SASH1: variants seen among roughly 807,000 people sequenced by gnomAD.
The protein encoded by SASH1 is SAM and SH3 domain containing 1, also known as SAM and SH3 domain-containing protein 1.
SASH1 carries 44 observed loss-of-function variants against 125.2 expected under a neutral mutation model. That is an observed-to-expected ratio of 0.35 (90% CI 0.28 to 0.45). The LOEUF (loss-of-function observed/expected upper bound fraction) is 0.45. Ranked by LOEUF, SASH1 falls within the 20% of genes least tolerant of loss-of-function variation. The probability of loss-of-function intolerance (pLI) is 1.00; values close to 1 mark genes in which losing one functional copy is unlikely to be tolerated. For synonymous variants in SASH1, 639 were observed against 649.1 expected (o/e 0.98, Z 0.24); for missense variants, 1,426 against 1,614.5 (o/e 0.88, Z 2.00).
At chr6:148,274,348 T>C in intron 1 of SASH1, among the ~76,000 whole-genome samples, 1 of 152,226 alleles carries the variant, frequency 6.6e-6, no homozygotes. Flanking sequence ...AGCAGCCTAG[T>C]TGGCAGGTAA....
At chr6:148,372,758 C>G (rs1303214762) in intron 1 of SASH1, among the ~76,000 whole-genome samples, 1 of 152,056 alleles carries the variant, frequency 6.6e-6, no homozygotes, top group African/African-American at 2.4e-5. Context: ...TGAGAGCCTG[C>G]TAGATACTGT....
intron 9 of SASH1, among the ~76,000 whole-genome samples, chr6:148,518,298 T>G (rs921124261): frequency 6.6e-6 from 1 of 152,164 alleles, no homozygotes; most frequent in Non-Finnish European, 1.5e-5. Context: ...CATCTTCTTT[T>G]CCACTTTCCA....
the SASH1 span, among the ~76,000 whole-genome samples, chr6:148,247,104 C>T: frequency 6.6e-6 from 1 of 152,208 alleles, no homozygotes; most frequent in African/African-American, 2.4e-5. Context: ...GGTCCATGGA[C>T]TAGCTTCACA....
intron 1 of SASH1, among the ~76,000 whole-genome samples, chr6:148,388,615 T>C (rs1269884909): frequency 1.3e-5 from 2 of 152,254 alleles, no homozygotes; most frequent in Non-Finnish European, 2.9e-5. Context: ...TTCCCGTCTC[T>C]GTTTCTCCTC....
chr6:148,321,281 C>T (rs1199317260), intron 1 of SASH1, among the ~76,000 whole-genome samples: 1 of 151,750 alleles, frequency 6.6e-6, no homozygotes, highest in Non-Finnish European at 1.5e-5. Flanking sequence ...ATCCCACCTA[C>T]TTGGGAAGCT....
chr6:148,421,643 T>C (rs1785110373), intron 2 of SASH1, among the ~76,000 whole-genome samples: 1 of 152,114 alleles, frequency 6.6e-6, no homozygotes, highest in African/African-American at 2.4e-5. Flanking sequence ...GGCTGAAAAG[T>C]AGGAACATTT....
intron 4 of SASH1, among the ~76,000 whole-genome samples, chr6:148,446,797 C>T (rs1190097848): frequency 6.6e-6 from 1 of 152,116 alleles, no homozygotes; most frequent in Non-Finnish European, 1.5e-5. Context: ...GGTATGATTC[C>T]CATCTACAAA....
chr6:148,369,394 GT>G (rs1247818287), intron 1 of SASH1, among the ~76,000 whole-genome samples: 1 of 152,132 alleles, frequency 6.6e-6, no homozygotes, highest in Non-Finnish European at 1.5e-5. Context: ...TTTGAAGATA[GT>G]TTAAGAGTTG....
intron 5 of SASH1, 75 bp downstream of exon 5, chr6:148,468,660 C>T (rs1027380609): frequency 1.5e-5 from 14 of 908,732 alleles, no homozygotes; most frequent in Non-Finnish European, 2.4e-5. Flanking sequence ...TGTGAAAATA[C>T]AAAACCCACA....
intron 1 of SASH1, among the ~76,000 whole-genome samples, chr6:148,315,432 GAAGCCA>G (rs1475329564): frequency 1.3e-5 from 2 of 152,204 alleles, no homozygotes; most frequent in Admixed American, 6.5e-5. Flanking sequence ...AAGTTTGTCT[GAAGCCA>G]AAGCCAATCT....
chr6:148,513,478 C>T (rs1583282309), intron 8 of SASH1: 1 of 985,436 alleles, frequency 1.0e-6, no homozygotes. Flanking sequence ...TTGGAGCTGA[C>T]TTAGAAATGA....
chr6:148,248,701 TC>T, the SASH1 span, among the ~76,000 whole-genome samples: 3 of 152,030 alleles, frequency 2.0e-5, no homozygotes, highest in Non-Finnish European at 2.9e-5. Flanking sequence ...AGCAGTCACT[TC>T]CCCCCACAAG....
At chr6:148,239,403 CG>C in the SASH1 span, among the ~76,000 whole-genome samples, 1 of 152,198 alleles carries the variant, frequency 6.6e-6, no homozygotes, top group Non-Finnish European at 1.5e-5. Flanking sequence ...CTCCTAGCAC[CG>C]TGCTCTCCCG....
chr6:148,244,721 G>A, the SASH1 span, among the ~76,000 whole-genome samples: 1 of 152,148 alleles, frequency 6.6e-6, no homozygotes, highest in African/African-American at 2.4e-5. Flanking sequence ...TCCTATTTCA[G>A]GGCAACTGGG....
chr6:148,273,184 C>T (rs1426494889), intron 1 of SASH1, among the ~76,000 whole-genome samples: 2 of 152,028 alleles, frequency 1.3e-5, no homozygotes, highest in Admixed American at 6.6e-5. Context: ...CTCTTGAGCC[C>T]AGGATTTCTG....
chr6:148,546,817 G>A (rs773746585), intron 19 of SASH1, among the ~76,000 whole-genome samples: 12 of 151,836 alleles, frequency 7.9e-5, no homozygotes, highest in East Asian at 1.9e-4. Flanking sequence ...TAATGTATGC[G>A]TAAATGTATA....
chr6:148,200,797 T>C, the SASH1 span, among the ~76,000 whole-genome samples: 2 of 152,322 alleles, frequency 1.3e-5, no homozygotes, highest in Admixed American at 1.3e-4. Context: ...AGAAGAGAGA[T>C]TCTCTGTGTT....
At chr6:148,393,732 TG>T in intron 2 of SASH1, 6 of 985,324 alleles carry the variant, frequency 6.1e-6, no homozygotes, top group Non-Finnish European at 7.2e-6. Context: ...AAACACCACA[TG>T]AGCTTAATTA....
chr6:148,368,770 G>GCACACACACACAAACACA (rs1554245332), intron 1 of SASH1, among the ~76,000 whole-genome samples: 8 of 135,644 alleles, frequency 5.9e-5, no homozygotes, highest in African/African-American at 2.1e-4. Context: ...GCACGCGCGC[G>GCACACACACACAAACACA]CACACACACA....
Sources: gnomAD v4.1 joint callset for allele counts (sites outside exome capture counted in the v4.1 genomes callset) on GRCh38, gnomAD v4.1.1 for gene constraint, MANE v1.5 for transcripts, NCBI Gene and HGNC (gene_info 2026-07-23, HGNC 2026-07-21) for gene names.